Variants in SLC2A9 observed in about 807,000 individuals in gnomAD.
The protein encoded by SLC2A9 is solute carrier family 2 member 9.
Under a neutral mutation model 50.6 loss-of-function variants are expected in SLC2A9, and 39 were observed. The observed-to-expected ratio is 0.77, with a 90% CI of 0.60 to 1.01. SLC2A9 has a LOEUF of 1.01. SLC2A9 is among the 50% of genes least tolerant of loss of function. SLC2A9 has a pLI of 0.00. For missense variants in SLC2A9, 686 were observed against 677.6 expected (o/e 1.01, Z -0.14); for synonymous variants, 324 against 276.9 (o/e 1.17, Z -1.69).
At chr4:9,789,656 C>T (rs535946424) in intron 3 of SLC2A9, among the ~76,000 whole-genome samples, 6 of 152,318 alleles carry the variant, frequency 3.9e-5, no homozygotes, top group South Asian at 2.1e-4. Context: ...TAGGCCAATT[C>T]GGGGGAAGGG....
intron 10 of SLC2A9, 35 bp from the exon 11 acceptor site, chr4:9,835,043 C>G: frequency 1.2e-6 from 2 of 1,612,262 alleles, no homozygotes; most frequent in Non-Finnish European, 1.7e-6. Flanking sequence ...GAATTAATCA[C>G]TCTGAGAAGG....
At chr4:9,858,375 G>A (rs180817971) in intron 10 of SLC2A9, among the ~76,000 whole-genome samples, 14 of 152,288 alleles carry the variant, frequency 9.2e-5, no homozygotes, top group African/African-American at 3.1e-4. Context: ...TTAATGGACT[G>A]ATGTTTCCAT....
At chr4:9,772,051 AT>A (rs1478726920) in intron 1 of SLC2A9, among the ~76,000 whole-genome samples, 1 of 152,192 alleles carries the variant, frequency 6.6e-6, no homozygotes, top group East Asian at 1.9e-4. Context: ...TGGATTAATG[AT>A]TAATAATGTG....
chr4:9,963,020 CCT>C (rs1362604946), intron 5 of SLC2A9, among the ~76,000 whole-genome samples: 2 of 152,166 alleles, frequency 1.3e-5, no homozygotes, highest in Admixed American at 1.3e-4. Flanking sequence ...TTTCCGTGGC[CCT>C]CTCTCGCTGC....
rs371291756 is a variant in SLC2A9, at chr4:10,019,010, C to G, written c.214G>C (p.Gly72Arg). ...AGAFGSSFLY[G>R]YNLSVVNAPT... ...GCATTCACCACCGACAGGTTGTAGC[C>G]GTAGAGGAAGGAGGAGCCGAAGGCG... The change falls in exon 2 of 12, where the codon GGC (glycine) becomes CGC (arginine). Residue 72 changes from glycine to arginine, a missense_variant. By Grantham distance (125) the Gly-to-Arg change is moderately radical. Coordinates refer to ENST00000264784, the MANE Select transcript of SLC2A9 (RefSeq NM_020041.3). 2 of 1,550,674 alleles carry G rather than the reference C, an allele frequency of 1.3e-6. No homozygotes were observed. The highest frequency in any genetic ancestry group is 1.7e-6 in the Non-Finnish European group (2 of 1,146,970).
At chr4:9,893,556 C>T (rs7684245) in intron 8 of SLC2A9, among the ~76,000 whole-genome samples, 11,378 of 126,328 alleles carry the variant, frequency 0.09, 974 homozygotes, top group African/African-American at 0.24. Flanking sequence ...CAGAGAGGGA[C>T]GGAGGGAGAG....
In SLC2A9 at chr4:9,813,967, A is replaced by C. The variant is rs186458149; in HGVS notation, n.420+12453T>G. Among the ~76,000 whole-genome samples the C allele has an allele frequency of 3.8e-3, 578 of 152,158 alleles. 1 individual carries two copies. Among genetic ancestry groups the C allele is most frequent in the Non-Finnish European group, 6.4e-3 (432 of 67,974 alleles). On this transcript the variant is annotated intron_variant and non_coding_transcript_variant, in intron 3 of 3. Coordinates refer to the SLC2A9 transcript ENST00000503280. ...AAAAAAAGTAAAAATAAAAATAAAA[A>C]AGTAAAAAATAAAAATATAAAAAAG...
At chr4:9,981,337 G>C (rs1018622110) in intron 4 of SLC2A9, among the ~76,000 whole-genome samples, 1 of 6,270 alleles carries the variant, frequency 1.6e-4, no homozygotes, top group South Asian at 3.4e-3. Context: ...ATGGTGTGGT[G>C]GTGGTGGTGA....
chr4:9,975,789 A>C (rs1361664280), intron 5 of SLC2A9, among the ~76,000 whole-genome samples: 1 of 152,202 alleles, frequency 6.6e-6, no homozygotes, highest in Non-Finnish European at 1.5e-5. Context: ...AAAAAGAGTG[A>C]TGCACTCATA....
At chr4:9,884,771 A>G (rs1735869005) in intron 10 of SLC2A9, among the ~76,000 whole-genome samples, 1 of 152,190 alleles carries the variant, frequency 6.6e-6, no homozygotes, top group South Asian at 2.1e-4. Context: ...AATCAACCCA[A>G]ATGCTCATCA....
chr4:10,001,276 G>C (rs1475588611), intron 2 of SLC2A9, among the ~76,000 whole-genome samples: 4 of 152,184 alleles, frequency 2.6e-5, no homozygotes, highest in African/African-American at 9.7e-5. Flanking sequence ...GAGGTCACTA[G>C]AGTGGGCCCT....
chr4:9,833,819 C>T (rs1248244241), intron 11 of SLC2A9, among the ~76,000 whole-genome samples: 4 of 152,156 alleles, frequency 2.6e-5, no homozygotes, highest in Admixed American at 6.5e-5. Context: ...ATGTATATGA[C>T]GGATTCTCAC....
At chr4:9,988,051 A>G (rs1239740861) in intron 3 of SLC2A9, among the ~76,000 whole-genome samples, 1 of 152,236 alleles carries the variant, frequency 6.6e-6, no homozygotes, top group African/African-American at 2.4e-5. Flanking sequence ...CTAATACTTG[A>G]ACAAGATCAC....
At chr4:10,001,119 T>A (rs778587603) in intron 2 of SLC2A9, among the ~76,000 whole-genome samples, 8 of 152,176 alleles carry the variant, frequency 5.3e-5, no homozygotes, top group Non-Finnish European at 1.0e-4. Flanking sequence ...ACTGGTGTCC[T>A]TTATAGAAAG....
At chr4:10,031,697 A>G (rs1763945166) in intron 1 of SLC2A9, among the ~76,000 whole-genome samples, 1 of 152,284 alleles carries the variant, frequency 6.6e-6, no homozygotes, top group Admixed American at 6.5e-5. Flanking sequence ...GGGCCGGAGG[A>G]CTCCGTTGCA....
intron 5 of SLC2A9, among the ~76,000 whole-genome samples, chr4:9,957,016 G>A (rs978829952): frequency 2.0e-5 from 3 of 152,116 alleles, no homozygotes; most frequent in Admixed American, 1.3e-4. Flanking sequence ...AAGACCCCTG[G>A]TGGCTCAGCA....
chr4:9,857,767 A>T (rs561335769), intron 10 of SLC2A9, among the ~76,000 whole-genome samples: 2 of 151,822 alleles, frequency 1.3e-5, no homozygotes, highest in Non-Finnish European at 2.9e-5. Flanking sequence ...CTCAGTGCCC[A>T]CTCCCTCCTG....
intron 9 of SLC2A9, among the ~76,000 whole-genome samples, chr4:9,888,729 C>T (rs1403998086): frequency 6.6e-6 from 1 of 151,954 alleles, no homozygotes; most frequent in Non-Finnish European, 1.5e-5. Flanking sequence ...CCTAAGAGGG[C>T]ACCATCGGCG....
chr4:9,849,966 G>A (rs1298983888), intron 10 of SLC2A9, among the ~76,000 whole-genome samples: 2 of 152,010 alleles, frequency 1.3e-5, no homozygotes. Context: ...CTAGATAAAA[G>A]ATGGTCGAGC....
Sources: gnomAD v4.1 joint callset for allele counts (sites outside exome capture counted in the v4.1 genomes callset) on GRCh38, gnomAD v4.1.1 for gene constraint, MANE v1.5 for transcripts, NCBI Gene and HGNC (gene_info 2026-07-23, HGNC 2026-07-21) for gene names.